The following RBMS3 variants were observed in gnomAD, a reference collection of about 807,000 sequenced individuals.
The protein encoded by RBMS3 is RNA binding motif single stranded interacting protein 3, also known as RNA-binding motif, single-stranded-interacting protein 3.
RBMS3 carries 27 observed loss-of-function variants against 66.8 expected under a neutral mutation model. The observed-to-expected ratio is 0.40, with a 90% confidence interval of 0.30 to 0.56. RBMS3 has a LOEUF of 0.56. RBMS3 is among the 20% of genes least tolerant of loss of function. The pLI is 0.40. For synonymous variants in RBMS3, 188 were observed against 183.0 expected (o/e 1.03, Z -0.22); for missense variants, 513 against 549.5 (o/e 0.93, Z 0.66).
chr3:29,315,946 T>C (rs886533584), intron 1 of RBMS3, among the ~76,000 whole-genome samples: 1 of 151,790 alleles, frequency 6.6e-6, no homozygotes, highest in Non-Finnish European at 1.5e-5. Context: ...TCTAGCTTCT[T>C]GAGATAAATG....
In RBMS3 at chr3:29,810,762, C is replaced by T. The variant is rs181684969; in HGVS notation, c.637+47773C>T. On this transcript the variant is annotated intron_variant, in intron 6 of 14. Transcript: ENST00000383767. ...ATTAAAGTAATTATATTTCTCTTAA[C>T]ACTCTTGAAAGCTTTTTTCCAAGTA... Among the ~76,000 whole-genome samples the T allele has an allele frequency of 9.7e-4, 147 of 152,264 alleles. 1 individual carries two copies. Among genetic ancestry groups the T allele is most frequent in the African/African-American group, 2.8e-3 (118 of 41,554 alleles).
At chr3:29,583,405 C>T (rs547774983) in intron 3 of RBMS3, among the ~76,000 whole-genome samples, 2 of 152,190 alleles carry the variant, frequency 1.3e-5, no homozygotes, top group South Asian at 4.1e-4. Context: ...CTTTATAGCC[C>T]AACAGTATTA....
At chr3:29,844,286 C>T (rs1258031966) in intron 6 of RBMS3, among the ~76,000 whole-genome samples, 2 of 151,788 alleles carry the variant, frequency 1.3e-5, no homozygotes, top group Non-Finnish European at 2.9e-5. Context: ...TAATCTGTTC[C>T]CATGGGGACC....
chr3:29,771,394 C>CA (rs1377845347), intron 6 of RBMS3, among the ~76,000 whole-genome samples: 1 of 151,922 alleles, frequency 6.6e-6, no homozygotes, highest in East Asian at 1.9e-4. Context: ...ACATCTAGCC[C>CA]AATGCCTGGC....
intron 3 of RBMS3, among the ~76,000 whole-genome samples, chr3:29,520,561 A>C (rs554664327): frequency 1.4e-4 from 22 of 152,342 alleles, no homozygotes; most frequent in Non-Finnish European, 2.9e-4. Flanking sequence ...TACACAAAAC[A>C]AGTTTAGCCA....
chr3:29,835,151 G>T (rs983227094), intron 6 of RBMS3, among the ~76,000 whole-genome samples: 2 of 151,988 alleles, frequency 1.3e-5, no homozygotes, highest in Non-Finnish European at 2.9e-5. Flanking sequence ...AATATTAACA[G>T]AGCTAAATGC....
intron 2 of RBMS3, among the ~76,000 whole-genome samples, chr3:29,452,650 A>G (rs1300229806): frequency 6.6e-6 from 1 of 152,224 alleles, no homozygotes; most frequent in African/African-American, 2.4e-5. Context: ...GTTGAGCCAC[A>G]GGAATCAGTT....
chr3:29,297,771 G>C (rs942631971), intron 1 of RBMS3, among the ~76,000 whole-genome samples: 1 of 151,808 alleles, frequency 6.6e-6, no homozygotes, highest in African/African-American at 2.4e-5. Context: ...AAATAAATTA[G>C]AGGGGAGAAA....
Position 29,433,280 on chromosome 3 carries a change from C to T in RBMS3, c.76-1463C>T, listed in dbSNP as rs149324463. ...AATGTGCTGTTTGACAAAGACATAC[C>T]TCCCAAATCTGATAAAATAGCTAAA... On this transcript the variant is annotated intron_variant, in intron 1 of 14. Coordinates refer to ENST00000383767, the MANE Select transcript of RBMS3 (RefSeq NM_001003793.3). 2.3e-3 allele frequency among the ~76,000 whole-genome samples: 343 copies of T among 152,162 alleles called. 3 individuals are homozygous for T. Among genetic ancestry groups the T allele is most frequent in the African/African-American group, 8.0e-3 (334 of 41,510 alleles).
rs779555263 is a variant in RBMS3, at chr3:29,497,973, A to ATTTTTTTTTTTTTTTT, written c.307+9496_307+9511dup. 3.7e-4 allele frequency among the ~76,000 whole-genome samples: 16 copies of ATTTTTTTTTTTTTTTT among 43,438 alleles called. 4 individuals are homozygous for ATTTTTTTTTTTTTTTT. Among genetic ancestry groups the ATTTTTTTTTTTTTTTT allele is most frequent in the East Asian group, 1.5e-3 (2 of 1,330 alleles). The allele number at this position is 43,438 out of a possible 152,430, so 28.5% of individuals were successfully genotyped here. On this transcript the variant is annotated intron_variant, in intron 3 of 14. Transcript: ENST00000383767. ...TCAGAGTTATTCTCTAAAAGTATTC[A>ATTTTTTTTTTTTTTTT]TTTTTTTTTTTTTTTTTTTTTTTTT...
chr3:29,997,889 A>G (rs966484753), intron 14 of RBMS3, among the ~76,000 whole-genome samples: 5 of 152,292 alleles, frequency 3.3e-5, no homozygotes, highest in African/African-American at 9.6e-5. Flanking sequence ...CACCACTCCT[A>G]TTCAACATTG....
chr3:29,630,621 T>G (rs977055391), intron 4 of RBMS3, among the ~76,000 whole-genome samples: 2 of 152,014 alleles, frequency 1.3e-5, no homozygotes, highest in Non-Finnish European at 2.9e-5. Flanking sequence ...GCAACTGGCT[T>G]AATCATAGAT....
At chr3:29,880,727 T>C in intron 7 of RBMS3, 10 of 1,492,276 alleles carry the variant, frequency 6.7e-6, no homozygotes, top group Non-Finnish European at 9.0e-6. Flanking sequence ...ACCCACAATG[T>C]TCCAAATGCA....
intron 1 of RBMS3, among the ~76,000 whole-genome samples, chr3:29,299,277 G>C (rs2033506755): frequency 6.6e-6 from 1 of 151,890 alleles, no homozygotes; most frequent in Non-Finnish European, 1.5e-5. Flanking sequence ...AACAGACTTA[G>C]ATGAAACAAT....
chr3:29,717,889 G>A (rs1435379858), intron 4 of RBMS3, among the ~76,000 whole-genome samples: 1 of 152,070 alleles, frequency 6.6e-6, no homozygotes, highest in East Asian at 1.9e-4. Context: ...TTTGCTGCAA[G>A]CGTTTTGTAT....
At chr3:29,798,929 G>GTTTT (rs368923260) in intron 6 of RBMS3, among the ~76,000 whole-genome samples, 17 of 127,658 alleles carry the variant, frequency 1.3e-4, no homozygotes, top group African/African-American at 2.4e-4. Flanking sequence ...GTACCCTCTG[G>GTTTT]TTTTTTTTTT....
At chr3:29,814,755 A>G (rs541946131) in intron 6 of RBMS3, among the ~76,000 whole-genome samples, 2 of 152,208 alleles carry the variant, frequency 1.3e-5, no homozygotes, top group South Asian at 4.1e-4. Context: ...CATTGTGCAC[A>G]TGTACCCTAA....
At chr3:29,866,981 C>A (rs1273264959) in intron 6 of RBMS3, among the ~76,000 whole-genome samples, 1 of 152,090 alleles carries the variant, frequency 6.6e-6, no homozygotes, top group Non-Finnish European at 1.5e-5. Context: ...TTTCTTATTT[C>A]TCTTGGTCAA....
intron 6 of RBMS3, among the ~76,000 whole-genome samples, chr3:29,800,877 A>G (rs1436318992): frequency 6.6e-6 from 1 of 151,982 alleles, no homozygotes; most frequent in Non-Finnish European, 1.5e-5. Context: ...TTCCCAGTTC[A>G]TGTGACCCTT....
Sources: gnomAD v4.1 joint callset for allele counts (sites outside exome capture counted in the v4.1 genomes callset) on GRCh38, gnomAD v4.1.1 for gene constraint, MANE v1.5 for transcripts, NCBI Gene and HGNC (gene_info 2026-07-23, HGNC 2026-07-21) for gene names.